HDAC9: variants seen among roughly 807,000 people sequenced by gnomAD.
HDAC9 encodes histone deacetylase 9.
HDAC9 carries 41 observed loss-of-function variants against 139.4 expected under a neutral mutation model. The ratio of observed to expected loss-of-function variants is 0.29; its 90% CI spans 0.23 to 0.38. The LOEUF is 0.38. Among genes scored for constraint, HDAC9 ranks in the 10% least tolerant of loss-of-function variants. The pLI, the probability that HDAC9 is intolerant of heterozygous loss-of-function variation, is 1.00. For missense variants in HDAC9, 1,147 were observed against 1,297.0 expected, an observed-to-expected ratio of 0.88 and a Z score of 1.78; for synonymous variants, 517 against 476.2, an observed-to-expected ratio of 1.09 and a Z score of -1.12.
intron 12 of HDAC9, among the ~76,000 whole-genome samples, chr7:18,720,839 AT>A (rs958350157): frequency 2.7e-4 from 41 of 151,628 alleles, no homozygotes; most frequent in Non-Finnish European, 4.6e-4. Context: ...ACGCCAACTA[AT>A]TTTTTTGTTG....
chr7:18,373,982 T>TA (rs1351298413), intron 1 of HDAC9, among the ~76,000 whole-genome samples: 2 of 152,058 alleles, frequency 1.3e-5, no homozygotes, highest in African/African-American at 2.4e-5. Context: ...ATTGATACTG[T>TA]AAAAAATGTT....
chr7:18,216,893 T>G (rs1792357254), intron 2 of HDAC9, among the ~76,000 whole-genome samples: 1 of 152,182 alleles, frequency 6.6e-6, no homozygotes, highest in Non-Finnish European at 1.5e-5. Context: ...GTCATTTGCA[T>G]AGTTATTATG....
chr7:18,935,167 G>T (rs959856158), intron 22 of HDAC9, among the ~76,000 whole-genome samples: 1 of 152,106 alleles, frequency 6.6e-6, no homozygotes, highest in African/African-American at 2.4e-5. Flanking sequence ...GGCACATGGG[G>T]GTTGAAAAAG....
chr7:18,149,659 T>C (rs1248409372), intron 1 of HDAC9, among the ~76,000 whole-genome samples: 1 of 152,054 alleles, frequency 6.6e-6, no homozygotes, highest in African/African-American at 2.4e-5. Flanking sequence ...CACGCCATTC[T>C]CCCGCCTCAG....
At chr7:18,871,834 G>C (rs1172509667) in intron 21 of HDAC9, among the ~76,000 whole-genome samples, 1 of 152,102 alleles carries the variant, frequency 6.6e-6, no homozygotes, top group Non-Finnish European at 1.5e-5. Flanking sequence ...GAGATCTGTG[G>C]AGTCTCAGTT....
At chr7:18,155,902 T>C (rs1430677545) in intron 1 of HDAC9, among the ~76,000 whole-genome samples, 1 of 152,184 alleles carries the variant, frequency 6.6e-6, no homozygotes, top group East Asian at 1.9e-4. Flanking sequence ...TGTTACGGTA[T>C]TGGGGAAGGT....
At chr7:18,432,961 A>AAAG (rs973003218) in intron 1 of HDAC9, among the ~76,000 whole-genome samples, 1 of 151,800 alleles carries the variant, frequency 6.6e-6, no homozygotes, top group African/African-American at 2.4e-5. Flanking sequence ...AAAAAAAAAA[A>AAAG]AAAAGAAAAG....
intron 2 of HDAC9, among the ~76,000 whole-genome samples, chr7:18,226,762 C>G (rs976379197): frequency 1.3e-5 from 2 of 152,188 alleles, no homozygotes; most frequent in African/African-American, 4.8e-5. Context: ...TTCAGCATGG[C>G]CGGTTACAGC....
At chr7:18,204,200 G>A (rs969116861) in intron 2 of HDAC9, among the ~76,000 whole-genome samples, 4 of 151,934 alleles carry the variant, frequency 2.6e-5, no homozygotes, top group Admixed American at 1.3e-4. Flanking sequence ...TATTTATGAC[G>A]TTATGAGATT....
intron 21 of HDAC9, among the ~76,000 whole-genome samples, chr7:18,866,605 C>G (rs971913346): frequency 1.3e-5 from 2 of 152,110 alleles, no homozygotes; most frequent in African/African-American, 2.4e-5. Context: ...CAGCACCATC[C>G]CAGTGCTTCC....
chr7:18,316,526 G>A (rs1194224589), intron 1 of HDAC9, among the ~76,000 whole-genome samples: 3 of 151,798 alleles, frequency 2.0e-5, no homozygotes, highest in Middle Eastern at 3.4e-3. Flanking sequence ...TGCCAGGTAC[G>A]GTGGCTCATA....
At chr7:18,620,171 A>C (rs556244170) in intron 6 of HDAC9, among the ~76,000 whole-genome samples, 1 of 152,156 alleles carries the variant, frequency 6.6e-6, no homozygotes, top group Non-Finnish European at 1.5e-5. Flanking sequence ...GAACAATGAA[A>C]ATATGGCTAC....
At chr7:18,888,147 T>C (rs34205559) in intron 22 of HDAC9, among the ~76,000 whole-genome samples, 41,932 of 151,816 alleles carry the variant, frequency 0.28, 6,499 homozygotes, top group South Asian at 0.38. Flanking sequence ...CTGGGCCGGG[T>C]GCGGTGGCTC....
intron 2 of HDAC9, among the ~76,000 whole-genome samples, chr7:18,274,652 G>A (rs1029540304): frequency 6.6e-6 from 1 of 152,126 alleles, no homozygotes; most frequent in African/African-American, 2.4e-5. Context: ...AATAATTTGA[G>A]ATATTTTTAT....
At chr7:18,207,150 G>T (rs1398476273) in intron 2 of HDAC9, among the ~76,000 whole-genome samples, 2 of 151,784 alleles carry the variant, frequency 1.3e-5, no homozygotes, top group East Asian at 3.9e-4. Flanking sequence ...GTTGCCCAGG[G>T]TGGTCTCGAA....
At chr7:18,509,214 T>C (rs985981779) in intron 2 of HDAC9, 3 of 946,980 alleles carry the variant, frequency 3.2e-6, no homozygotes, top group Non-Finnish European at 3.8e-6. Flanking sequence ...AACATTCCAA[T>C]TGGTCTAAGT....
At chr7:18,200,999 G>A (rs1791077109) in intron 2 of HDAC9, among the ~76,000 whole-genome samples, 1 of 152,134 alleles carries the variant, frequency 6.6e-6, no homozygotes, top group South Asian at 2.1e-4. Context: ...GGAGCCTGTA[G>A]GTGCCCTAGA....
chr7:18,578,868 A>G (rs1826874924), intron 2 of HDAC9, among the ~76,000 whole-genome samples: 1 of 152,256 alleles, frequency 6.6e-6, no homozygotes, highest in African/African-American at 2.4e-5. Flanking sequence ...TTAGCAGACC[A>G]GATGACTGGT....
At chr7:18,270,023 T>C (rs1233017422) in intron 2 of HDAC9, among the ~76,000 whole-genome samples, 2 of 152,036 alleles carry the variant, frequency 1.3e-5, no homozygotes, top group African/African-American at 4.8e-5. Flanking sequence ...GCCTGTTGTG[T>C]TCGTTATAGG....
Sources: gnomAD v4.1 joint callset for allele counts (sites outside exome capture counted in the v4.1 genomes callset) on GRCh38, gnomAD v4.1.1 for gene constraint, MANE v1.5 for transcripts, NCBI Gene and HGNC (gene_info 2026-07-23, HGNC 2026-07-21) for gene names.